The following DOCK4 variants were observed in gnomAD, a reference collection of about 807,000 sequenced individuals.
DOCK4 encodes the protein dedicator of cytokinesis protein 4.
In DOCK4, 97 loss-of-function variants were observed where a neutral mutation model predicts 268.1. The observed-to-expected ratio is 0.36, with a 90% CI of 0.31 to 0.43. The LOEUF (loss-of-function observed/expected upper bound fraction) is 0.43, where lower values mean the gene tolerates loss of function less well. Ranked by LOEUF, DOCK4 falls within the 20% of genes least tolerant of loss-of-function variation. The pLI is 1.00. For missense variants in DOCK4, 2,145 were observed against 2,455.7 expected (o/e 0.87, Z 2.67); for synonymous variants, 954 against 887.2 (o/e 1.08, Z -1.34).
chr7:112,030,600 A>G (rs1021413992), intron 1 of DOCK4, among the ~76,000 whole-genome samples: 1 of 152,066 alleles, frequency 6.6e-6, no homozygotes, highest in African/African-American at 2.4e-5. Context: ...CAATGAGAAA[A>G]GTCTTAACAG....
At chr7:111,918,270 C>A (rs191359795) in intron 12 of DOCK4, among the ~76,000 whole-genome samples, 2 of 152,238 alleles carry the variant, frequency 1.3e-5, no homozygotes, top group East Asian at 3.9e-4. Flanking sequence ...AGAGCTGTCG[C>A]GAGAATTACA....
intron 1 of DOCK4, among the ~76,000 whole-genome samples, chr7:112,041,213 C>T (rs1397345239): frequency 2.0e-5 from 3 of 152,092 alleles, no homozygotes; most frequent in African/African-American, 7.2e-5. Context: ...TATTATAATT[C>T]TTTTCAGAAG....
At chr7:111,792,710 T>C (rs1436247526) in intron 30 of DOCK4, among the ~76,000 whole-genome samples, 1 of 151,986 alleles carries the variant, frequency 6.6e-6, no homozygotes, top group Non-Finnish European at 1.5e-5. Context: ...GTAACATGAA[T>C]ATGAAAGAAT....
chr7:111,743,559 A>G (rs929111337), intron 44 of DOCK4, among the ~76,000 whole-genome samples: 9 of 152,214 alleles, frequency 5.9e-5, no homozygotes, highest in Non-Finnish European at 8.8e-5. Flanking sequence ...ATCTAAACGC[A>G]GAGGCCCCCA....
intron 42 of DOCK4, among the ~76,000 whole-genome samples, chr7:111,752,612 G>A (rs1381186930): frequency 9.0e-5 from 10 of 110,686 alleles, no homozygotes; most frequent in East Asian, 2.8e-4. Flanking sequence ...TTGAGACAGA[G>A]GTTTGCTCTT....
chr7:111,980,716 C>T (rs187459473), intron 7 of DOCK4, among the ~76,000 whole-genome samples: 77 of 152,242 alleles, frequency 5.1e-4, no homozygotes, highest in African/African-American at 1.8e-3. Flanking sequence ...GTTGTGACAA[C>T]GAAAAATGTC....
chr7:112,110,067 A>G (rs1225359192), intron 1 of DOCK4, among the ~76,000 whole-genome samples: 1 of 152,160 alleles, frequency 6.6e-6, no homozygotes, highest in Non-Finnish European at 1.5e-5. Flanking sequence ...TGAACACAGC[A>G]TTGTATCCAT....
At position 111,727,686 on chromosome 7, in the gene DOCK4, C is replaced by G. The variant is rs1794735861; in HGVS notation, c.*588G>C. On this transcript the variant is annotated 3_prime_UTR_variant, in exon 53 of 53. Coordinates refer to ENST00000428084, the MANE Select transcript of DOCK4 (RefSeq NM_001363540.2). ...GAATTTTACGAATGTAGACAGCAGT[C>G]AAACAGCAAAAGCAACCTTAAAGAA... is the stretch of plus-strand genomic sequence containing the variant. 6.6e-6 allele frequency: 1 copy of G among 152,366 alleles called. No individual in the cohort carries two copies. Among genetic ancestry groups the G allele is most frequent in the African/African-American group, 2.4e-5 (1 of 41,450 alleles). The allele number at this position is 152,366 out of a possible 1,614,324, so 9.4% of individuals were successfully genotyped here.
intron 6 of DOCK4, 84 bp downstream of exon 6, chr7:111,988,931 G>A: frequency 2.0e-6 from 3 of 1,507,036 alleles, no homozygotes; most frequent in Non-Finnish European, 2.7e-6. Flanking sequence ...TGCTTCCAGT[G>A]ACATTACCAC....
intron 8 of DOCK4, among the ~76,000 whole-genome samples, chr7:111,961,997 C>G (rs1586507153): frequency 6.6e-6 from 1 of 152,154 alleles, no homozygotes; most frequent in Non-Finnish European, 1.5e-5. Context: ...CAACCAAGAG[C>G]TCATATACCT....
chr7:111,810,054 A>G (rs1265439613), intron 28 of DOCK4, among the ~76,000 whole-genome samples: 1 of 152,208 alleles, frequency 6.6e-6, no homozygotes, highest in Non-Finnish European at 1.5e-5. Context: ...AATTAAAGAC[A>G]TAACAAACCA....
chr7:111,751,402 C>T (rs1796636054), intron 42 of DOCK4, among the ~76,000 whole-genome samples: 2 of 152,102 alleles, frequency 1.3e-5, no homozygotes, highest in Non-Finnish European at 1.5e-5. Context: ...CAATGCATGG[C>T]CCTTATTTAA....
chr7:112,181,889 T>C (rs1819079158), intron 1 of DOCK4, among the ~76,000 whole-genome samples: 1 of 152,148 alleles, frequency 6.6e-6, no homozygotes. Flanking sequence ...CAGGACAGCC[T>C]GGGCACCTGT....
In DOCK4 at chr7:111,728,429, G is replaced by GCGGGA. The variant is rs1563413793; in HGVS notation, c.5768_5772dup (p.Leu1925SerfsTer80). On this transcript the variant is annotated frameshift_variant, in exon 53 of 53. Transcript: ENST00000428084. LOFTEE classifies it high-confidence loss of function. The stretch of plus-strand genomic sequence containing the variant: ...ACGGGGATGGAGAGGCTGTGAGGTA[G>GCGGGA]CGGGACGGGGCGCCGCAGAGTCCGC... 1 of 1,586,484 alleles carries GCGGGA rather than the reference G, an allele frequency of 6.3e-7. No individual in the cohort carries two copies. The highest frequency in any genetic ancestry group is 8.6e-7 in the Non-Finnish European group (1 of 1,164,686).
Position 112,022,399 on chromosome 7 carries a change from G to T in DOCK4, c.38-18268C>A, listed in dbSNP as rs1207003424. Among the ~76,000 whole-genome samples, 3 of 152,270 alleles carry T rather than the reference G, an allele frequency of 2.0e-5. No homozygotes were observed. In the East Asian group the frequency reaches 5.8e-4, roughly 29 times the overall value. The stretch of plus-strand genomic sequence containing the variant: ...AAGCTCGGTGGTGGTACAGGAGAGG[G>T]TTCCGCCCCTGACCAGCTGATGGCT... On this transcript the variant is annotated intron_variant, in intron 1 of 52. Coordinates refer to ENST00000428084, the MANE Select transcript of DOCK4 (RefSeq NM_001363540.2).
At chr7:111,860,517 T>C (rs111876787) in intron 23 of DOCK4, among the ~76,000 whole-genome samples, 15 of 152,372 alleles carry the variant, frequency 9.8e-5, no homozygotes, top group South Asian at 6.2e-4. Flanking sequence ...ATTCTGTTGA[T>C]CGTGAGCCAC....
Position 111,784,117 on chromosome 7 carries a change from T to C in DOCK4, c.3408A>G (p.Pro1136=), listed in dbSNP as rs1432472504. Residue 1136 remains proline (P), a synonymous_variant, in exon 33 of 53, where the codon CCA becomes CCG. Coordinates refer to ENST00000428084, the MANE Select transcript of DOCK4 (RefSeq NM_001363540.2). The part of the protein sequence containing the change: ...TYRELFNSII[P]LFGPYPSLLK... ...CTTACCTAGGATAGGGACCAAATAG[T>C]GGAATTCTAATCCAGGAAGCATTGA... The C allele has an allele frequency of 6.3e-7, 1 of 1,577,380 alleles. No homozygotes were observed. The highest frequency in any genetic ancestry group is 2.3e-5 in the East Asian group (1 of 44,394).
chr7:111,840,836 C>G, intron 25 of DOCK4: 1 of 1,351,004 alleles, frequency 7.4e-7, no homozygotes, highest in Non-Finnish European at 9.8e-7. Context: ...TGTAGTACTG[C>G]CATGTGAAGA....
chr7:111,818,745 C>T (rs1801755960), intron 27 of DOCK4, among the ~76,000 whole-genome samples: 1 of 152,218 alleles, frequency 6.6e-6, no homozygotes, highest in Admixed American at 6.5e-5. Flanking sequence ...ATTTCAGCCA[C>T]ACTAACAGTC....
Sources: allele counts gnomAD v4.1 joint callset (sites outside exome capture counted in the v4.1 genomes callset), GRCh38; gene constraint gnomAD v4.1.1; transcripts MANE v1.5; gene names NCBI Gene and HGNC (gene_info 2026-07-23, HGNC 2026-07-21).